Variants in BOLA3 observed in about 807,000 individuals in gnomAD.
The protein encoded by BOLA3 is bolA-like protein 3.
BOLA3 carries 8 observed loss-of-function variants against 14.5 expected under a neutral mutation model. That is an observed-to-expected ratio of 0.55 (90% CI 0.32 to 0.99). The LOEUF is 0.99. Ranked by LOEUF, BOLA3 falls within the 50% of genes least tolerant of loss-of-function variation. The pLI is 0.04. For synonymous variants in BOLA3, 42 were observed against 45.7 expected, an observed-to-expected ratio of 0.92 and a Z score of 0.33; for missense variants, 115 against 138.2, an observed-to-expected ratio of 0.83 and a Z score of 0.84.
chr2:74,145,634 A>C (rs879492777), intron 1 of BOLA3: 12 of 365,192 alleles, frequency 3.3e-5, no homozygotes, highest in Non-Finnish European at 6.3e-5. Flanking sequence ...ATAGGTAAGG[A>C]AACTGAGGCA....
chr2:74,146,669 C>T (rs1692551591), intron 1 of BOLA3: 1 of 152,572 alleles, frequency 6.6e-6, no homozygotes, highest in African/African-American at 2.4e-5. Flanking sequence ...GAAGGTCCCA[C>T]CCCTCTACCC....
At chr2:74,142,227 G>T in intron 3 of BOLA3, 45 bp downstream of exon 3, 1 of 1,438,278 alleles carries the variant, frequency 7.0e-7, no homozygotes, top group Non-Finnish European at 9.8e-7. Context: ...AGGCCCCTTT[G>T]GAGGCTGAAG....
Position 74,135,986 on chromosome 2 carries a change from A to G in BOLA3, c.259-328T>C, listed in dbSNP as rs1254500567. On this transcript the variant is annotated intron_variant, in intron 3 of 3. Transcript: ENST00000327428. ...TTTTTTTAAGTCATGGTCTCGCTCTAGCGCCGAAGTTGGAGTGCAGTGGCG... is the reference window on the plus strand; with the variant it reads ...TTTTTTTAAGTCATGGTCTCGCTCTGGCGCCGAAGTTGGAGTGCAGTGGCG... 2.1e-5 allele frequency among the ~76,000 whole-genome samples: 3 copies of G among 141,558 alleles called. 1 individual carries two copies. Among genetic ancestry groups the G allele is most frequent in the Non-Finnish European group, 4.5e-5 (3 of 66,682 alleles). The allele number at this position is 141,558 out of a possible 152,430, so 92.9% of individuals were successfully genotyped here.
Position 74,147,878 on chromosome 2 carries a change from C to A in BOLA3, c.-4G>T. 2.0e-6 allele frequency: 3 copies of A among 1,516,246 alleles called. No individual in the cohort carries two copies. Among genetic ancestry groups the A allele is most frequent in the Non-Finnish European group, 2.6e-6 (3 of 1,139,626 alleles). The allele number at this position is 1,516,246 out of a possible 1,614,324, so 93.9% of individuals were successfully genotyped here. A position where few individuals can be genotyped will look rare whatever the true frequency, so the allele number is the denominator to read the frequency against. ...CGGCCGGGCTCCATGCAGCCATGCCCGGCCGACGTGACCCGCCGCCCGAGG... is the reference window on the plus strand; with the variant it reads ...CGGCCGGGCTCCATGCAGCCATGCCAGGCCGACGTGACCCGCCGCCCGAGG... On this transcript the variant is annotated 5_prime_UTR_variant, in exon 1 of 4. Transcript: ENST00000327428.
rs568739751 is a variant in BOLA3 at position 74,138,011 on chromosome 2, A to G, written c.259-2353T>C. 4.6e-5 allele frequency among the ~76,000 whole-genome samples: 7 copies of G among 152,270 alleles called. No individual in the cohort carries two copies. The South Asian group carries it at 1.2e-3, about 27-fold the overall frequency. The stretch of plus-strand genomic sequence containing the variant: ...CACACCTTCATGTGACTGACCCTGG[A>G]CAGAGGAACCTTCTGGGCTTCACCC... On this transcript the variant is annotated intron_variant, in intron 3 of 3. Coordinates refer to ENST00000327428, the MANE Select transcript of BOLA3 (RefSeq NM_212552.3).
At chr2:74,141,690 G>A (rs149464417) in intron 3 of BOLA3, among the ~76,000 whole-genome samples, 167 of 152,284 alleles carry the variant, frequency 1.1e-3, no homozygotes, top group African/African-American at 3.8e-3. Flanking sequence ...AGACCTTCCA[G>A]AACGATGCCA....
intron 1 of BOLA3, chr2:74,147,005 T>A (rs1403361373): frequency 6.6e-6 from 1 of 152,078 alleles, no homozygotes; most frequent in Non-Finnish European, 1.5e-5. Flanking sequence ...GAGGGTGGGG[T>A]GGAGCTGCTT....
intron 3 of BOLA3, among the ~76,000 whole-genome samples, chr2:74,140,696 C>A (rs181981138): frequency 8.5e-5 from 13 of 152,326 alleles, no homozygotes; most frequent in Admixed American, 8.5e-4. Context: ...CAGGTTCCTT[C>A]CAGTGTTGGA....
chr2:74,145,140 A>G (rs778350833), intron 2 of BOLA3, 49 bp downstream of exon 2: 8 of 1,101,360 alleles, frequency 7.3e-6, no homozygotes, highest in Non-Finnish European at 2.8e-6. Context: ...GTCCTTCCAA[A>G]GGGCAAAATC....
At chr2:74,137,466 C>T (rs1461450483) in intron 3 of BOLA3, among the ~76,000 whole-genome samples, 1 of 152,138 alleles carries the variant, frequency 6.6e-6, no homozygotes, top group East Asian at 1.9e-4. Context: ...AATTAATTCC[C>T]TTTGTTTGCT....
At position 74,142,371 on chromosome 2, in the gene BOLA3, C is replaced by T. The variant is rs746972708; in HGVS notation, c.170-11G>A. ...TCGCCCCACAACCTCCTAAAATAAA[C>T]ATGATTCAAAAGCATTTCAATTATT... On this transcript the variant is annotated splice_polypyrimidine_tract_variant and intron_variant, in intron 2 of 3. Coordinates refer to ENST00000327428, the MANE Select transcript of BOLA3 (RefSeq NM_212552.3). 83 of 1,599,058 alleles carry T rather than the reference C, an allele frequency of 5.2e-5. No individual in the cohort carries two copies. Among genetic ancestry groups the T allele is most frequent in the African/African-American group, 9.4e-5 (7 of 74,640 alleles).
chr2:74,139,735 A>AC (rs1318802657), intron 3 of BOLA3, among the ~76,000 whole-genome samples: 1 of 152,032 alleles, frequency 6.6e-6, no homozygotes, highest in East Asian at 1.9e-4. Context: ...GGCTCAGGGG[A>AC]CCCCCTCATG....
Position 74,145,184 on chromosome 2 carries a change from C to T in BOLA3, c.169+5G>A, listed in dbSNP as rs773174086. 1 of 1,529,890 alleles carries T rather than the reference C, an allele frequency of 6.5e-7. No individual in the cohort carries two copies. 94.8% of individuals were successfully genotyped at this position (1,529,890 alleles called of 1,614,324 possible). A position where few individuals can be genotyped will look rare whatever the true frequency, so the allele number is the denominator to read the frequency against. On this transcript the variant is annotated splice_donor_5th_base_variant and intron_variant, in intron 2 of 3. Transcript: ENST00000327428. ...GCGCCGTAGGAAGAGTGAGAGAAAC[C>T]TTACCTGAAATGTCAGTGACTTTTA...
rs774782921 is a variant in BOLA3, at chr2:74,135,495, A to G, written c.*98T>C. 1.9e-6 allele frequency: 3 copies of G among 1,545,954 alleles called. No homozygotes were observed. Among genetic ancestry groups the G allele is most frequent in the Non-Finnish European group, 2.7e-6 (3 of 1,119,608 alleles). On this transcript the variant is annotated 3_prime_UTR_variant, in exon 4 of 4. Coordinates refer to ENST00000327428, the MANE Select transcript of BOLA3 (RefSeq NM_212552.3). ...TTATAATATGGAAATGTATATGAGC[A>G]AAATATATAAATTTTTTGGTGACTG...
chr2:74,141,067 C>T (rs1667606), intron 3 of BOLA3, among the ~76,000 whole-genome samples: 55,795 of 151,736 alleles, frequency 0.37, 10,617 homozygotes, highest in Middle Eastern at 0.46. Context: ...CAAAGTGCCA[C>T]GGGTTGGGGA....
intron 3 of BOLA3, among the ~76,000 whole-genome samples, chr2:74,139,301 A>G (rs564293851): frequency 1.3e-5 from 2 of 152,158 alleles, no homozygotes; most frequent in African/African-American, 4.8e-5. Context: ...TAGGGTGAGT[A>G]GGCAAAATAG....
chr2:74,138,994 C>T (rs561269687), intron 3 of BOLA3, among the ~76,000 whole-genome samples: 1 of 152,170 alleles, frequency 6.6e-6, no homozygotes, highest in Non-Finnish European at 1.5e-5. Flanking sequence ...GGTACAAAAC[C>T]CTCAACATCT....
At chr2:74,136,015 T>C (rs1376155821) in intron 3 of BOLA3, among the ~76,000 whole-genome samples, 1 of 151,320 alleles carries the variant, frequency 6.6e-6, no homozygotes, top group Non-Finnish European at 1.5e-5. Flanking sequence ...AGTGGCGCGA[T>C]ATCGGCTTAC....
In BOLA3 at chr2:74,145,212, G is replaced by T. The variant is rs764882891; in HGVS notation, c.146C>A (p.Ala49Asp). Residue 49 changes from alanine (A) to aspartate (D), a missense_variant, in exon 2 of 4, where the codon GCT becomes GAT. Physicochemically the swap from Ala to Asp is moderately radical, Grantham distance 126. Transcript: ENST00000327428. ...ACCTGAAATGTCAGTGACTTTTATA[G>T]CTGTAGCTCGTGGAAACTTTTCTTT... Reference protein sequence around the residue: ...ILKEKFPRATAIKVTDISGGC... With the variant: ...ILKEKFPRATDIKVTDISGGC... 2.5e-6 allele frequency: 4 copies of T among 1,599,900 alleles called. No homozygotes were observed. In the Admixed American group the frequency reaches 5.0e-5, roughly 20 times the overall value.
Sources: allele counts gnomAD v4.1 joint callset (sites outside exome capture counted in the v4.1 genomes callset), GRCh38; gene constraint gnomAD v4.1.1; transcripts MANE v1.5; gene names NCBI Gene and HGNC (gene_info 2026-07-23, HGNC 2026-07-21).